The following PRAG1 variants were observed in gnomAD, a reference collection of about 807,000 sequenced individuals.
PRAG1 encodes PEAK1 related, kinase-activating pseudokinase 1.
In PRAG1, 110 loss-of-function variants were observed where a neutral mutation model predicts 95.6. The ratio of observed to expected loss-of-function variants is 1.15; its 90% CI spans 0.99 to 1.35. The LOEUF (loss-of-function observed/expected upper bound fraction) is 1.35, where lower values mean the gene tolerates loss of function less well. Among genes scored for constraint, PRAG1 ranks in the 40% most tolerant of loss-of-function variants. PRAG1 has a pLI of 0.00. For missense variants in PRAG1, 2,554 were observed against 1,864.7 expected (o/e 1.37, Z -6.81); for synonymous variants, 1,052 against 819.4 (o/e 1.28, Z -4.85).
Position 8,318,417 on chromosome 8 carries a change from C to A in PRAG1, c.3958G>T (p.Glu1320Ter), listed in dbSNP as rs768786380. 1.2e-6 allele frequency: 2 copies of A among 1,613,094 alleles called. 1 individual carries two copies. The highest frequency in any genetic ancestry group is 2.2e-5 in the South Asian group (2 of 91,036). ...AGGCACTGCAGCACGCGCTTGGCCT[C>A]GCCGATGCGGATACGCTTGATGGGG... The part of the protein sequence containing the change: ...ADPIKRIRIG[E>*]AKRVLQCLLW... The change falls in exon 6 of 6, where the codon GAG (glutamate) becomes TAG (stop). Residue 1320 changes from glutamate (E) to a stop codon, truncating the protein, a stop_gained. Coordinates refer to ENST00000615670, the MANE Select transcript of PRAG1 (RefSeq NM_001080826.3). LOFTEE classifies it high-confidence loss of function. This position sits in a 1 kb window ranked among gnomAD's most constrained non-coding sequence, Gnocchi z 4.2.
rs2117092453 is a variant in PRAG1 at position 8,319,092 on chromosome 8, C to T, written c.3283G>A (p.Val1095Met). 6.2e-7 allele frequency: 1 copy of T among 1,610,376 alleles called. No homozygotes were observed. Among genetic ancestry groups the T allele is most frequent in the East Asian group, 2.2e-5 (1 of 44,850 alleles). ...AAGTCGGAGGCGGTCTGATGTGGCA[C>T]CTCTCGGGTGATGACCACCACGCAG... ...QDCVVVITRE[V>M]PHQTASDFVR... is the part of the protein sequence containing the mutation. Residue 1095 changes from valine (V) to methionine (M), a missense_variant, in exon 6 of 6, where the codon GTG becomes ATG. Transcript: ENST00000615670.
intron 2 of PRAG1, 38 bp downstream of exon 2, chr8:8,381,380 G>C (rs369384562): frequency 1.4e-4 from 222 of 1,565,172 alleles, no homozygotes; most frequent in Non-Finnish European, 1.8e-4. Flanking sequence ...AACAGGAGCA[G>C]CCCCTGTAAA....
chr8:8,339,701 G>A (rs1799105571), intron 3 of PRAG1, 66 bp from the exon 4 acceptor site: 2 of 1,517,370 alleles, frequency 1.3e-6, no homozygotes, highest in Admixed American at 1.7e-5. Flanking sequence ...CCAGGCTGAT[G>A]GATCATGAAC....
At chr8:8,385,608 T>C (rs1046967476) in intron 1 of PRAG1, among the ~76,000 whole-genome samples, 2 of 152,218 alleles carry the variant, frequency 1.3e-5, no homozygotes, top group African/African-American at 4.8e-5. Flanking sequence ...CCTAGACCAT[T>C]GGGCTTTGCT....
intron 3 of PRAG1, among the ~76,000 whole-genome samples, chr8:8,354,368 C>A (rs1017398222): frequency 2.0e-5 from 3 of 150,184 alleles, no homozygotes; most frequent in African/African-American, 7.5e-5. Context: ...ACCAATACTT[C>A]TTAAATTCTT....
intron 3 of PRAG1, among the ~76,000 whole-genome samples, chr8:8,346,171 C>T (rs1303736024): frequency 6.6e-6 from 1 of 152,210 alleles, no homozygotes; most frequent in Non-Finnish European, 1.5e-5. Flanking sequence ...GGCACTTTTC[C>T]TTCATTAATA....
intron 3 of PRAG1, among the ~76,000 whole-genome samples, chr8:8,375,911 G>A (rs966701924): frequency 6.6e-6 from 1 of 152,054 alleles, no homozygotes; most frequent in Non-Finnish European, 1.5e-5. Flanking sequence ...CTGGAAAAAA[G>A]CCTACTGAAG....
rs186437273 is a variant in PRAG1 at position 8,377,337 on chromosome 8, C to G, written c.1072G>C (p.Val358Leu). 3.1e-6 allele frequency: 5 copies of G among 1,604,132 alleles called. No individual in the cohort carries two copies. The highest frequency in any genetic ancestry group is 4.3e-6 in the Non-Finnish European group (5 of 1,176,328). The change falls in exon 3 of 6, where the codon GTC (valine) becomes CTC (leucine). Residue 358 changes from valine (V) to leucine (L), a missense_variant. Val to Leu is a conservative substitution (Grantham distance 32, BLOSUM62 1). Coordinates refer to ENST00000615670, the MANE Select transcript of PRAG1 (RefSeq NM_001080826.3). ...CAGTAATCACTCTCGAGGTGGGGGA[C>G]GAAGGGGCTACTGGCGCCGCTGCCG... ...GSGSGASSPF[V>L]PHLESDYCSL...
chr8:8,377,270 G>C lies in PRAG1; in HGVS notation c.1139C>G (p.Pro380Arg). Reference sequence around the variant, plus strand: ...GCTAGGGGTCACCCCTGGGCAGCCAGGGTCCTGCTGCTTCTCTGGGGCAGG... The same window carrying C: ...GCTAGGGGTCACCCCTGGGCAGCCACGGTCCTGCTGCTTCTCTGGGGCAGG... ...KEPAPEKQQD[P>R]GCPGVTPSRC... Residue 380 changes from proline (P) to arginine (R), a missense_variant, in exon 3 of 6, where the codon CCT becomes CGT. Coordinates refer to ENST00000615670, the MANE Select transcript of PRAG1 (RefSeq NM_001080826.3). 1 of 1,612,880 alleles carries C rather than the reference G, an allele frequency of 6.2e-7. No homozygotes were observed. The highest frequency in any genetic ancestry group is 1.1e-5 in the South Asian group (1 of 91,066).
At chr8:8,326,774 A>G (rs972736960) in intron 5 of PRAG1, among the ~76,000 whole-genome samples, 6 of 152,206 alleles carry the variant, frequency 3.9e-5, no homozygotes, top group African/African-American at 1.4e-4. Context: ...CAGACACAGA[A>G]GAGCTCAAAT....
At chr8:8,375,573 C>T (rs139824304) in intron 3 of PRAG1, among the ~76,000 whole-genome samples, 353 of 152,248 alleles carry the variant, frequency 2.3e-3, no homozygotes, top group African/African-American at 7.9e-3. Context: ...CTGCTTTTGG[C>T]CCCAAGACCT....
chr8:8,324,760 T>A (rs1585218245), intron 5 of PRAG1, among the ~76,000 whole-genome samples: 1 of 152,110 alleles, frequency 6.6e-6, no homozygotes, highest in Non-Finnish European at 1.5e-5. Flanking sequence ...GTCTGTTAAA[T>A]AAAAAAGGCC....
In PRAG1 at chr8:8,377,872, CG is replaced by C; in HGVS notation, c.536del (p.Pro179ArgfsTer2). 1 of 1,614,102 alleles carries C rather than the reference CG, an allele frequency of 6.2e-7. No individual in the cohort carries two copies. Among genetic ancestry groups the C allele is most frequent in the African/African-American group, 1.3e-5 (1 of 75,038 alleles). ...CAGCCTTCTCCTCCGGGAAGCTCACCGGGTGGAAGGCAATGTTCCTCTCGCC... is the reference window on the plus strand; with the variant it reads ...CAGCCTTCTCCTCCGGGAAGCTCACCGGTGGAAGGCAATGTTCCTCTCGCC... ...PRGERNIAFH[P>X]VSFPEEKAVH... On this transcript the variant is annotated frameshift_variant, in exon 3 of 6. Transcript: ENST00000615670. LOFTEE classifies it high-confidence loss of function.
Position 8,376,702 on chromosome 8 carries a change from CGG to C in PRAG1, c.1705_1706del (p.Pro569AlafsTer3). On this transcript the variant is annotated frameshift_variant, in exon 3 of 6. Coordinates refer to ENST00000615670, the MANE Select transcript of PRAG1 (RefSeq NM_001080826.3). LOFTEE classifies it high-confidence loss of function. ...SPSAGGPPVSPLADLSDGSSG... is the reference protein window; with the variant it reads ...SPSAGGPPVSXLADLSDGSSG... The stretch of plus-strand genomic sequence containing the variant: ...AGCTCCCATCACTAAGGTCAGCCAG[CGG>C]TGACACTGGGGGCCCTCCAGCAGAC... The C allele has an allele frequency of 5.0e-6, 8 of 1,610,532 alleles. No homozygotes were observed. Among genetic ancestry groups the C allele is most frequent in the Non-Finnish European group, 6.8e-6 (8 of 1,179,776 alleles).
In PRAG1 at chr8:8,330,966, C is replaced by T. The variant is rs184804997; in HGVS notation, c.2321-2505G>A. On this transcript the variant is annotated intron_variant, in intron 4 of 5. Coordinates refer to ENST00000615670, the MANE Select transcript of PRAG1 (RefSeq NM_001080826.3). ...GCCTGATGAGCAGGAGGACTGGGAG[C>T]CGTGAGCACACATCCACTTCCTGAC... 5.7e-3 allele frequency among the ~76,000 whole-genome samples: 865 copies of T among 152,310 alleles called. 2 individuals carry two copies. Among genetic ancestry groups the T allele is most frequent in the Non-Finnish European group, 8.6e-3 (584 of 68,028 alleles).
In PRAG1 at chr8:8,377,559, A is replaced by G. The variant is rs1286702240; in HGVS notation, c.850T>C (p.Cys284Arg). 2 of 1,606,726 alleles carry G rather than the reference A, an allele frequency of 1.2e-6. No homozygotes were observed. Among genetic ancestry groups the G allele is most frequent in the African/African-American group, 1.3e-5 (1 of 74,916 alleles). ...GSRGRHGGRD[C>R]SPTCWEQGKC... ...CCCTGCTCCCAGCACGTGGGTGAGC[A>G]GTCCCTGCCACCATGCCTGCCCCGG... The change falls in exon 3 of 6, where the codon TGC (cysteine) becomes CGC (arginine). Residue 284 changes from cysteine (C) to arginine (R), a missense_variant. Coordinates refer to ENST00000615670, the MANE Select transcript of PRAG1 (RefSeq NM_001080826.3).
Position 8,318,791 on chromosome 8 carries a change from G to T in PRAG1, c.3584C>A (p.Ala1195Glu). 6.6e-7 allele frequency: 1 copy of T among 1,512,192 alleles called. No homozygotes were observed. 93.7% of individuals were successfully genotyped at this position (1,512,192 alleles called of 1,614,324 possible). The change falls in exon 6 of 6, where the codon GCA becomes GAA. Residue 1195 changes from alanine to glutamate, a missense_variant. Ala to Glu is a moderately radical substitution (Grantham distance 107). Transcript: ENST00000615670. The surrounding 1 kb of genome is among the most constrained non-coding windows in gnomAD (Gnocchi z 4.2). ...APPAGGTLSP[A>E]AGPASPEGPR... is the part of the protein sequence containing the mutation. Reference sequence around the variant, plus strand: ...CCCTTCCGGGGAGGCGGGGCCGGCTGCGGGGCTGAGAGTGCCACCAGCAGG... The same window carrying T: ...CCCTTCCGGGGAGGCGGGGCCGGCTTCGGGGCTGAGAGTGCCACCAGCAGG...
chr8:8,351,766 C>T lies in PRAG1; in HGVS notation c.2163-12131G>A, dbSNP rs79445672. On this transcript the variant is annotated intron_variant, in intron 3 of 5. Transcript: ENST00000615670. ...AGAAAGAGAACAACCTATTTTATTA[C>T]ATCAGCCTGCCTTCCCCTTGCAAAA... Among the ~76,000 whole-genome samples the T allele has an allele frequency of 2.9e-3, 438 of 152,284 alleles. 8 individuals carry two copies. The East Asian group carries it at 0.054, about 19-fold the overall frequency.
chr8:8,329,946 T>C (rs1273886294), intron 4 of PRAG1, among the ~76,000 whole-genome samples: 2 of 152,178 alleles, frequency 1.3e-5, no homozygotes, highest in Non-Finnish European at 2.9e-5. Context: ...ACAAACTCAG[T>C]GCATGCAACC....
Sources: gnomAD v4.1 joint callset for allele counts (sites outside exome capture counted in the v4.1 genomes callset) on GRCh38, gnomAD v4.1.1 for gene constraint, Gnocchi (gnomAD v3.1) non-coding constraint, MANE v1.5 for transcripts, NCBI Gene and HGNC (gene_info 2026-07-23, HGNC 2026-07-21) for gene names.